CDH13: variants seen among roughly 807,000 people sequenced by gnomAD.
CDH13 encodes the protein cadherin 13, also known as cadherin-13.
A neutral mutation model predicts 63.8 loss-of-function variants in CDH13; 24 were observed. The observed-to-expected ratio is 0.38, with a 90% CI of 0.27 to 0.53. The LOEUF (loss-of-function observed/expected upper bound fraction) is 0.53, where lower values mean the gene tolerates loss of function less well. Ranked by LOEUF, CDH13 falls within the 20% of genes least tolerant of loss-of-function variation. The pLI is 0.85. For missense variants in CDH13, 1,049 were observed against 903.1 expected, an observed-to-expected ratio of 1.16 and a Z score of -2.07; for synonymous variants, 503 against 355.3, an observed-to-expected ratio of 1.42 and a Z score of -4.67.
At chr16:82,886,667 A>AAAATT (rs1156648636) in intron 2 of CDH13, among the ~76,000 whole-genome samples, 2 of 151,990 alleles carry the variant, frequency 1.3e-5, no homozygotes, top group African/African-American at 4.8e-5. Context: ...CCAATTTATG[A>AAAATT]AAATTGGACA....
At chr16:83,225,200 G>C (rs1001256521) in intron 5 of CDH13, among the ~76,000 whole-genome samples, 1 of 152,134 alleles carries the variant, frequency 6.6e-6, no homozygotes, top group African/African-American at 2.4e-5. Flanking sequence ...TCACACTCTT[G>C]GGTATTAACA....
intron 9 of CDH13, among the ~76,000 whole-genome samples, chr16:83,677,847 A>C (rs1915088940): frequency 6.6e-6 from 1 of 152,070 alleles, no homozygotes. Context: ...ATTGCCAGGG[A>C]GTTGCCTAAC....
At chr16:82,799,600 T>G (rs2036752593) in intron 1 of CDH13, among the ~76,000 whole-genome samples, 1 of 152,232 alleles carries the variant, frequency 6.6e-6, no homozygotes, top group African/African-American at 2.4e-5. Flanking sequence ...TATTAGTTTA[T>G]TTAGACCCAT....
At chr16:83,343,302 T>C (rs1253853846) in intron 5 of CDH13, among the ~76,000 whole-genome samples, 1 of 152,226 alleles carries the variant, frequency 6.6e-6, no homozygotes, top group Non-Finnish European at 1.5e-5. Context: ...TTACTCAATA[T>C]TCTAAGTAGA....
chr16:83,489,222 A>G (rs1364928918), intron 7 of CDH13, among the ~76,000 whole-genome samples: 1 of 152,216 alleles, frequency 6.6e-6, no homozygotes, highest in Non-Finnish European at 1.5e-5. Flanking sequence ...AGTTTATTTT[A>G]GGGGACAAAT....
chr16:82,917,914 CAAAA>C (rs34766700), intron 2 of CDH13, among the ~76,000 whole-genome samples: 1 of 45,946 alleles, frequency 2.2e-5, no homozygotes, highest in Non-Finnish European at 5.2e-5. Flanking sequence ...GACTCCATGT[CAAAA>C]AAAAAAAAAA....
intron 5 of CDH13, among the ~76,000 whole-genome samples, chr16:83,255,278 T>G (rs756460): frequency 0.098 from 14,841 of 152,156 alleles, 1,040 homozygotes; most frequent in Non-Finnish European, 0.14. Context: ...AAAAGACAAG[T>G]GGAGAGATGC....
At chr16:83,262,570 C>T (rs2151837175) in intron 5 of CDH13, among the ~76,000 whole-genome samples, 1 of 152,116 alleles carries the variant, frequency 6.6e-6, no homozygotes, top group East Asian at 1.9e-4. Context: ...TGCTGGAGAC[C>T]CTAGAGAATG....
At chr16:83,282,726 A>G (rs955567704) in intron 5 of CDH13, among the ~76,000 whole-genome samples, 1 of 152,184 alleles carries the variant, frequency 6.6e-6, no homozygotes, top group Admixed American at 6.5e-5. Context: ...CCTTGAGAGA[A>G]TAAGTTTTCC....
chr16:83,522,081 C>T (rs2074850869), intron 7 of CDH13, among the ~76,000 whole-genome samples: 1 of 152,164 alleles, frequency 6.6e-6, no homozygotes, highest in African/African-American at 2.4e-5. Context: ...TCTGCAAATC[C>T]AGTTCTCCCC....
chr16:82,979,134 C>T (rs1374230386), intron 2 of CDH13, among the ~76,000 whole-genome samples: 1 of 152,214 alleles, frequency 6.6e-6, no homozygotes, highest in Non-Finnish European at 1.5e-5. Flanking sequence ...TTGTTTTGGC[C>T]AGTTACTCCC....
rs74028509 is a variant in CDH13 at position 82,660,660 on chromosome 16, C to G, written c.45+33523C>G. Reference sequence around the variant, plus strand: ...AAGCCCTTTCACTGTATACCTGGGACCAAAGACCCTAGAGCAGCTTCAGAC... The same window carrying G: ...AAGCCCTTTCACTGTATACCTGGGAGCAAAGACCCTAGAGCAGCTTCAGAC... On this transcript the variant is annotated intron_variant, in intron 1 of 13. Coordinates refer to ENST00000567109, the MANE Select transcript of CDH13 (RefSeq NM_001257.5). Among the ~76,000 whole-genome samples the G allele has an allele frequency of 5.0e-4, 76 of 152,086 alleles. No individual in the cohort carries two copies. In the Middle Eastern group the frequency reaches 0.01, roughly 20 times the overall value.
At chr16:83,242,629 G>C (rs1444881089) in intron 5 of CDH13, among the ~76,000 whole-genome samples, 3 of 152,304 alleles carry the variant, frequency 2.0e-5, no homozygotes, top group African/African-American at 7.2e-5. Flanking sequence ...TAGATCAGTG[G>C]AAGAGAAGAT....
intron 2 of CDH13, among the ~76,000 whole-genome samples, chr16:82,941,294 A>T (rs1337944207): frequency 2.0e-5 from 3 of 152,208 alleles, no homozygotes; most frequent in Admixed American, 6.5e-5. Context: ...CTGCATGCCA[A>T]CTGGGATCTC....
intron 3 of CDH13, among the ~76,000 whole-genome samples, chr16:83,091,261 C>T (rs998404487): frequency 6.6e-6 from 1 of 151,066 alleles, no homozygotes; most frequent in Non-Finnish European, 1.5e-5. Context: ...TCTCCATCTT[C>T]TGCTATCAGA....
intron 2 of CDH13, among the ~76,000 whole-genome samples, chr16:82,866,066 A>G (rs768967459): frequency 1.3e-5 from 2 of 152,198 alleles, no homozygotes; most frequent in African/African-American, 2.4e-5. Flanking sequence ...TCTCTTTGCT[A>G]AAGTACAGCA....
chr16:83,325,748 C>A (rs2090345522), intron 5 of CDH13, among the ~76,000 whole-genome samples: 2 of 152,138 alleles, frequency 1.3e-5, no homozygotes, highest in South Asian at 4.1e-4. Flanking sequence ...CTAGAAGATT[C>A]TTCTCAGGGA....
At chr16:82,915,661 C>T (rs1180756002) in intron 2 of CDH13, among the ~76,000 whole-genome samples, 1 of 151,896 alleles carries the variant, frequency 6.6e-6, no homozygotes, top group Admixed American at 6.6e-5. Flanking sequence ...TATCTACTGC[C>T]TGCTGCAGGT....
At chr16:82,795,679 C>A (rs572269552) in intron 1 of CDH13, among the ~76,000 whole-genome samples, 25 of 152,212 alleles carry the variant, frequency 1.6e-4, no homozygotes, top group Non-Finnish European at 3.5e-4. Flanking sequence ...TATCTGTAGA[C>A]CCTCCACTCT....
Sources: gnomAD v4.1 joint callset for allele counts (sites outside exome capture counted in the v4.1 genomes callset) on GRCh38, gnomAD v4.1.1 for gene constraint, MANE v1.5 for transcripts, NCBI Gene and HGNC (gene_info 2026-07-23, HGNC 2026-07-21) for gene names.